The following CTNNA3 variants were observed in gnomAD, a reference collection of about 807,000 sequenced individuals.
The protein encoded by CTNNA3 is catenin alpha-3.
A neutral mutation model predicts 95.7 loss-of-function variants in CTNNA3; 76 were observed. That is an observed-to-expected ratio of 0.79 (90% CI 0.66 to 0.96). The LOEUF (loss-of-function observed/expected upper bound fraction) is 0.96. CTNNA3 is among the 40% of genes least tolerant of loss of function. The pLI, the probability that CTNNA3 is intolerant of heterozygous loss-of-function variation, is 0.00. For missense variants in CTNNA3, 1,191 were observed against 1,089.8 expected (o/e 1.09, Z -1.31); for synonymous variants, 431 against 374.4 (o/e 1.15, Z -1.74).
chr10:66,362,399 C>A (rs908003087), intron 12 of CTNNA3, among the ~76,000 whole-genome samples: 27 of 151,602 alleles, frequency 1.8e-4, no homozygotes, highest in Non-Finnish European at 3.1e-4. Context: ...CCATGCCCAG[C>A]CCACAAAATT....
At chr10:66,683,486 T>G (rs957561138) in intron 9 of CTNNA3, among the ~76,000 whole-genome samples, 3 of 152,184 alleles carry the variant, frequency 2.0e-5, no homozygotes, top group East Asian at 3.8e-4. Flanking sequence ...TAAATTGGAC[T>G]GGGAACAGTG....
intron 11 of CTNNA3, among the ~76,000 whole-genome samples, chr10:66,427,387 T>C (rs996398020): frequency 1.3e-4 from 20 of 152,184 alleles, no homozygotes; most frequent in African/African-American, 4.6e-4. Context: ...GTATTTGTAT[T>C]TTGTACTAGC....
intron 11 of CTNNA3, among the ~76,000 whole-genome samples, chr10:66,468,963 T>C (rs997112274): frequency 4.6e-5 from 7 of 151,916 alleles, no homozygotes; most frequent in African/African-American, 2.4e-5. Context: ...GTAATGAATA[T>C]GCTTTGCATA....
chr10:66,319,416 G>C (rs1347674693), intron 12 of CTNNA3, among the ~76,000 whole-genome samples: 2 of 152,088 alleles, frequency 1.3e-5, no homozygotes, highest in African/African-American at 4.8e-5. Context: ...ATAACCATGC[G>C]ATGTTGGTCA....
In CTNNA3 at chr10:67,573,222, T is replaced by C. The variant is rs186556758; in HGVS notation, c.293-33553A>G. Reference sequence around the variant, plus strand: ...ATGGGATTAGGATACAGTCAATTCATTGGCATTCAAAGAAATGGGAAAAGC... The same window carrying C: ...ATGGGATTAGGATACAGTCAATTCACTGGCATTCAAAGAAATGGGAAAAGC... On this transcript the variant is annotated intron_variant, in intron 3 of 17. Coordinates refer to ENST00000433211, the MANE Select transcript of CTNNA3 (RefSeq NM_013266.4). Among the ~76,000 whole-genome samples the C allele has an allele frequency of 2.6e-5, 4 of 152,342 alleles. No individual in the cohort carries two copies. In the East Asian group the frequency reaches 7.7e-4, roughly 29 times the overall value.
At chr10:65,951,470 T>C (rs2077611121) in intron 17 of CTNNA3, among the ~76,000 whole-genome samples, 1 of 152,188 alleles carries the variant, frequency 6.6e-6, no homozygotes, top group Non-Finnish European at 1.5e-5. Context: ...CTGTTCTGAT[T>C]AGTTCTTCTT....
intron 16 of CTNNA3, among the ~76,000 whole-genome samples, chr10:65,968,906 G>A (rs1195233016): frequency 6.6e-6 from 1 of 152,176 alleles, no homozygotes; most frequent in African/African-American, 2.4e-5. Context: ...TGCCCTTAGG[G>A]AATTATAGGC....
chr10:65,983,454 T>A (rs1159228870), intron 16 of CTNNA3, among the ~76,000 whole-genome samples: 1 of 151,580 alleles, frequency 6.6e-6, no homozygotes, highest in Non-Finnish European at 1.5e-5. Flanking sequence ...TCTGCTAATA[T>A]GATTAATTAC....
intron 12 of CTNNA3, among the ~76,000 whole-genome samples, chr10:66,314,051 TCATA>T (rs1380137016): frequency 6.6e-6 from 1 of 152,052 alleles, no homozygotes; most frequent in Non-Finnish European, 1.5e-5. Flanking sequence ...ATAAATATAC[TCATA>T]CATACATACA....
chr10:66,024,129 G>T (rs181993613), intron 15 of CTNNA3, among the ~76,000 whole-genome samples: 1 of 116,754 alleles, frequency 8.6e-6, no homozygotes, highest in Non-Finnish European at 1.6e-5. Flanking sequence ...TCGCTCTGTC[G>T]CCCAGGCTGG....
At chr10:67,752,942 G>T (rs1219014895) in intron 1 of CTNNA3, among the ~76,000 whole-genome samples, 1 of 152,076 alleles carries the variant, frequency 6.6e-6, no homozygotes, top group Admixed American at 6.6e-5. Context: ...AACTACCATT[G>T]CCGTTTTTCA....
intron 7 of CTNNA3, among the ~76,000 whole-genome samples, chr10:67,115,338 T>TGGGA (rs1589755790): frequency 7.8e-6 from 1 of 128,436 alleles, no homozygotes; most frequent in East Asian, 2.3e-4. Flanking sequence ...GGGACTGTTG[T>TGGGA]GGGGTTGGGG....
chr10:67,710,695 C>A (rs1439971864), intron 1 of CTNNA3, among the ~76,000 whole-genome samples: 1 of 152,142 alleles, frequency 6.6e-6, no homozygotes, highest in Non-Finnish European at 1.5e-5. Flanking sequence ...CTGTTGTAAA[C>A]CATTATCTGT....
At chr10:67,514,052 T>C (rs141588945) in intron 5 of CTNNA3, among the ~76,000 whole-genome samples, 489 of 152,300 alleles carry the variant, frequency 3.2e-3, no homozygotes, top group Non-Finnish European at 5.0e-3. Context: ...AGTTCATGCC[T>C]CTAATCCTTG....
chr10:66,047,737 T>G (rs529543132), intron 15 of CTNNA3, among the ~76,000 whole-genome samples: 1 of 152,238 alleles, frequency 6.6e-6, no homozygotes, highest in Admixed American at 6.5e-5. Flanking sequence ...AACCCCAAAG[T>G]GTCAGCCCAA....
At chr10:66,999,154 C>T (rs1347330373) in intron 7 of CTNNA3, among the ~76,000 whole-genome samples, 2 of 152,048 alleles carry the variant, frequency 1.3e-5, no homozygotes, top group African/African-American at 4.8e-5. Flanking sequence ...TTTTATTTAT[C>T]ATTTTCAATT....
At chr10:66,928,176 C>T (rs761844315) in intron 7 of CTNNA3, 1 of 1,614,120 alleles carries the variant, frequency 6.2e-7, no homozygotes, top group South Asian at 1.1e-5. Flanking sequence ...TCCATAAAAT[C>T]ATCGCGGGCA....
At chr10:66,466,988 G>A (rs1589290943) in intron 11 of CTNNA3, among the ~76,000 whole-genome samples, 1 of 151,956 alleles carries the variant, frequency 6.6e-6, no homozygotes, top group African/African-American at 2.4e-5. Flanking sequence ...ATCCTAAATG[G>A]CAGGGATTCT....
At position 66,425,700 on chromosome 10, in the gene CTNNA3, A is replaced by ATG. The variant is rs1554960943; in HGVS notation, c.1532-46349_1532-46348insCA. 3.0e-3 allele frequency among the ~76,000 whole-genome samples: 458 copies of ATG among 151,664 alleles called. 1 individual carries two copies. The highest frequency in any genetic ancestry group is 5.3e-3 in the Non-Finnish European group (358 of 67,848). The stretch of plus-strand genomic sequence containing the variant: ...GATATATATATATACACACACACAC[A>ATG]TATATACACACACATATATATTCAC... On this transcript the variant is annotated intron_variant, in intron 11 of 17. Coordinates refer to ENST00000433211, the MANE Select transcript of CTNNA3 (RefSeq NM_013266.4).
Sources: gnomAD v4.1 joint callset for allele counts (sites outside exome capture counted in the v4.1 genomes callset) on GRCh38, gnomAD v4.1.1 for gene constraint, MANE v1.5 for transcripts, NCBI Gene and HGNC (gene_info 2026-07-23, HGNC 2026-07-21) for gene names.